IFT88: variants seen among roughly 807,000 people sequenced by gnomAD.
IFT88 encodes the protein intraflagellar transport protein 88 homolog.
IFT88 carries 74 observed loss-of-function variants against 119.5 expected under a neutral mutation model. The observed-to-expected ratio is 0.62, with a 90% CI of 0.51 to 0.75. The LOEUF (loss-of-function observed/expected upper bound fraction) is 0.75, where lower values mean the gene tolerates loss of function less well. Ranked by LOEUF, IFT88 falls within the 30% of genes least tolerant of loss-of-function variation. The pLI is 0.00. For missense variants in IFT88, 961 were observed against 977.7 expected (o/e 0.98, Z 0.23); for synonymous variants, 279 against 316.7 (o/e 0.88, Z 1.26).
chr13:20,671,617 A>G (rs1444447278), intron 24 of IFT88, among the ~76,000 whole-genome samples: 1 of 152,198 alleles, frequency 6.6e-6, no homozygotes, highest in African/African-American at 2.4e-5. Context: ...ACATCATTAC[A>G]TAATAAGACA....
At position 20,674,718 on chromosome 13, in the gene IFT88, A is replaced by T. The variant is rs1366032372; in HGVS notation, c.2242+3679A>T. Among the ~76,000 whole-genome samples the T allele has an allele frequency of 3.4e-3, 95 of 27,812 alleles. 5 individuals carry two copies. Among genetic ancestry groups the T allele is most frequent in the African/African-American group, 0.014 (80 of 5,790 alleles). The allele number at this position is 27,812 out of a possible 152,430, so 18.2% of individuals were successfully genotyped here. On this transcript the variant is annotated intron_variant, in intron 24 of 25. Coordinates refer to ENST00000351808, the MANE Select transcript of IFT88 (RefSeq NM_006531.5). ...ACTGAAGTTTTATATATATATATAT[A>T]TATATATTTTTTTTTTTTTTTTTTT... is the stretch of plus-strand genomic sequence containing the variant.
intron 14 of IFT88, among the ~76,000 whole-genome samples, chr13:20,624,974 A>G (rs1292199121): frequency 2.0e-5 from 3 of 152,220 alleles, no homozygotes; most frequent in Non-Finnish European, 2.9e-5. Context: ...CTTGATGTAC[A>G]ATAGATCTCT....
At chr13:20,606,682 C>T (rs1256515329) in intron 13 of IFT88, among the ~76,000 whole-genome samples, 1 of 152,102 alleles carries the variant, frequency 6.6e-6, no homozygotes, top group Admixed American at 6.5e-5. Flanking sequence ...AGTTCGAGAC[C>T]AGCCTGACCA....
intron 13 of IFT88, among the ~76,000 whole-genome samples, chr13:20,609,299 C>T (rs1437900359): frequency 6.6e-6 from 1 of 152,186 alleles, no homozygotes; most frequent in African/African-American, 2.4e-5. Flanking sequence ...CAGAATGAAT[C>T]ATGAACATTA....
chr13:20,593,870 C>T (rs757011166), intron 7 of IFT88, among the ~76,000 whole-genome samples: 4 of 151,448 alleles, frequency 2.6e-5, no homozygotes, highest in Non-Finnish European at 2.9e-5. Flanking sequence ...GGCAACATAG[C>T]GAGACCCCGT....
At chr13:20,661,727 T>TC (rs1319635046) in intron 22 of IFT88, among the ~76,000 whole-genome samples, 1 of 140,636 alleles carries the variant, frequency 7.1e-6, no homozygotes, top group Non-Finnish European at 1.5e-5. Context: ...AGAGCAAGAC[T>TC]CCATCTTAAA....
At chr13:20,586,083 G>A (rs1015522865) in intron 3 of IFT88, among the ~76,000 whole-genome samples, 1 of 152,062 alleles carries the variant, frequency 6.6e-6, no homozygotes, top group Non-Finnish European at 1.5e-5. Flanking sequence ...TTGCCAGGTG[G>A]GCCTTCAAAA....
Position 20,631,091 on chromosome 13 carries a change from C to G in IFT88, c.1375C>G (p.Leu459Val). 1 of 1,597,064 alleles carries G rather than the reference C, an allele frequency of 6.3e-7. No homozygotes were observed. Residue 459 changes from leucine to valine, a missense_variant, in exon 16 of 26, where the codon CTG (leucine) becomes GTG (valine). Leu to Val is a conservative substitution (Grantham distance 32). Coordinates refer to ENST00000351808, the MANE Select transcript of IFT88 (RefSeq NM_006531.5). Reference protein sequence around the residue: ...KSAAATNLSALYYMGKDFAQA... With the variant: ...KSAAATNLSAVYYMGKDFAQA... ...TGCAGCTGCAACCAATCTCTCAGCC[C>G]TGTATTATATGGTAAGTTTTTTTAC...
intron 16 of IFT88, among the ~76,000 whole-genome samples, chr13:20,637,460 T>C (rs1471351372): frequency 6.6e-6 from 1 of 152,090 alleles, no homozygotes. Flanking sequence ...GCCACACATA[T>C]CTAGCTGCCA....
intron 21 of IFT88, among the ~76,000 whole-genome samples, chr13:20,655,135 G>A (rs1390969889): frequency 6.6e-6 from 1 of 152,088 alleles, no homozygotes; most frequent in African/African-American, 2.4e-5. Flanking sequence ...ACTTTCTAAT[G>A]TTTAAAAAAC....
At chr13:20,643,121 T>G (rs534853004) in intron 18 of IFT88, among the ~76,000 whole-genome samples, 1 of 152,178 alleles carries the variant, frequency 6.6e-6, no homozygotes, top group African/African-American at 2.4e-5. Context: ...GCTGAACATG[T>G]TAAGAAAAAG....
chr13:20,690,566 A>G lies in IFT88; in HGVS notation c.2243-139A>G, dbSNP rs184800060. On this transcript the variant is annotated intron_variant, in intron 24 of 25. Transcript: ENST00000351808. ...TTCTTTTAAATTTCAGAAAACAAGA[A>G]TTATATCCCTAAGAAGCTGGCTTCC... 881 of 573,568 alleles carry G rather than the reference A, an allele frequency of 1.5e-3. 10 individuals are homozygous for G. The highest frequency in any genetic ancestry group is 0.011 in the South Asian group (541 of 47,642). 35.5% of individuals were successfully genotyped at this position (573,568 alleles called of 1,614,324 possible).
intron 19 of IFT88, among the ~76,000 whole-genome samples, chr13:20,644,057 T>TA (rs1276868342): frequency 6.6e-6 from 1 of 152,126 alleles, no homozygotes. Context: ...GTTAGTTTTT[T>TA]ACTTGTTTTA....
chr13:20,681,056 A>G (rs776881950), intron 24 of IFT88, among the ~76,000 whole-genome samples: 25 of 152,162 alleles, frequency 1.6e-4, no homozygotes, highest in Non-Finnish European at 2.2e-4. Context: ...TGCTTTTGCA[A>G]TTGTCATTTT....
intron 13 of IFT88, among the ~76,000 whole-genome samples, chr13:20,613,919 A>C (rs2045114964): frequency 8.2e-6 from 1 of 121,702 alleles, no homozygotes; most frequent in African/African-American, 3.0e-5. Flanking sequence ...TTCTGTTTAT[A>C]TGAAAGGTAT....
intron 1 of IFT88, among the ~76,000 whole-genome samples, chr13:20,569,688 C>T (rs1490052658): frequency 1.3e-5 from 2 of 151,478 alleles, no homozygotes; most frequent in African/African-American, 4.9e-5. Flanking sequence ...TGTTTAGTAT[C>T]AGGAATATAT....
chr13:20,631,024 G>T lies in IFT88; in HGVS notation c.1308G>T (p.Glu436Asp). Residue 436 changes from glutamate (E) to aspartate (D), a missense_variant, in exon 16 of 26, where the codon GAG becomes GAT. Glu to Asp is a conservative substitution (Grantham distance 45). Coordinates refer to ENST00000351808, the MANE Select transcript of IFT88 (RefSeq NM_006531.5). ...AGATATTCCATTTCTAGGCTGTAGA[G>T]ATCTTAAAAGTGTTGGAAAAAAAGG... The part of the protein sequence containing the change: ...LRQKDYNQAV[E>D]ILKVLEKKDS... 3 of 1,578,262 alleles carry T rather than the reference G, an allele frequency of 1.9e-6. No homozygotes were observed. Among genetic ancestry groups the T allele is most frequent in the Non-Finnish European group, 2.6e-6 (3 of 1,147,546 alleles).
intron 24 of IFT88, among the ~76,000 whole-genome samples, chr13:20,674,714 A>ATGTT (rs1566450108): frequency 2.7e-5 from 1 of 36,990 alleles, no homozygotes; most frequent in African/African-American, 9.2e-5. Context: ...ATATATATAT[A>ATGTT]TATATATATA....
intron 3 of IFT88, among the ~76,000 whole-genome samples, chr13:20,588,953 C>T (rs2040201111): frequency 6.6e-6 from 1 of 152,198 alleles, no homozygotes. Context: ...AGGCCCTCAT[C>T]ACCAGTGTTT....
Sources: gnomAD v4.1 joint callset for allele counts (sites outside exome capture counted in the v4.1 genomes callset) on GRCh38, gnomAD v4.1.1 for gene constraint, MANE v1.5 for transcripts, NCBI Gene and HGNC (gene_info 2026-07-23, HGNC 2026-07-21) for gene names.